RNF6: variants seen among roughly 807,000 people sequenced by gnomAD.
The protein encoded by RNF6 is E3 ubiquitin-protein ligase RNF6.
A neutral mutation model predicts 50.1 loss-of-function variants in RNF6; 21 were observed. The observed-to-expected ratio is 0.42, with a 90% confidence interval of 0.30 to 0.60. RNF6 has a LOEUF of 0.60. Ranked by LOEUF, RNF6 falls within the 20% of genes least tolerant of loss-of-function variation. The pLI, the probability that RNF6 is intolerant of heterozygous loss-of-function variation, is 0.20. For missense variants in RNF6, 698 were observed against 838.2 expected (o/e 0.83, Z 2.07); for synonymous variants, 255 against 291.8 (o/e 0.87, Z 1.29).
chr13:26,186,640 C>A (rs573582981), intron 5 of RNF6, among the ~76,000 whole-genome samples: 16 of 152,388 alleles, frequency 1.0e-4, no homozygotes, highest in African/African-American at 3.6e-4. Flanking sequence ...CTTCTCAGCT[C>A]TCACAGGGCC....
chr13:26,174,379 G>A (rs1872850494), intron 5 of RNF6, among the ~76,000 whole-genome samples: 3 of 152,100 alleles, frequency 2.0e-5, no homozygotes, highest in Admixed American at 6.5e-5. Context: ...GGCTGGGCAC[G>A]GTGGCTCACA....
intron 5 of RNF6, chr13:26,154,025 T>A (rs776236113): frequency 1.3e-5 from 2 of 152,224 alleles, no homozygotes; most frequent in Non-Finnish European, 2.9e-5. Context: ...TACGAGTGTT[T>A]CCTTAAACTC....
At position 26,145,955 on chromosome 13, in the gene RNF6, C is replaced by T. The variant is rs1871216874; in HGVS notation, n.769-13504G>A. 2.6e-5 allele frequency among the ~76,000 whole-genome samples: 4 copies of T among 152,238 alleles called. No homozygotes were observed. The South Asian group carries it at 6.2e-4, about 24-fold the overall frequency. On this transcript the variant is annotated intron_variant and non_coding_transcript_variant, in intron 5 of 5. Coordinates refer to the RNF6 transcript ENST00000468480. Reference sequence around the variant, plus strand: ...TAACCACAGGATGGGTTTGGAGACCCACTGGGCCAACTGTGAGACAGACCT... The same window carrying T: ...TAACCACAGGATGGGTTTGGAGACCTACTGGGCCAACTGTGAGACAGACCT...
At chr13:26,179,319 A>C (rs1409671582) in intron 5 of RNF6, among the ~76,000 whole-genome samples, 1 of 152,224 alleles carries the variant, frequency 6.6e-6, no homozygotes, top group Non-Finnish European at 1.5e-5. Context: ...AGACAGCAAG[A>C]ATCAACAGAA....
chr13:26,194,319 A>G (rs9581584), intron 5 of RNF6, among the ~76,000 whole-genome samples: 8,926 of 152,270 alleles, frequency 0.059, 836 homozygotes, highest in African/African-American at 0.2. Context: ...ATTAACAAAT[A>G]CAAGGATAAT....
chr13:26,184,818 C>CA (rs1428613836), intron 5 of RNF6, among the ~76,000 whole-genome samples: 1 of 152,128 alleles, frequency 6.6e-6, no homozygotes, highest in Non-Finnish European at 1.5e-5. Flanking sequence ...GTGCAGGCCA[C>CA]AAAGGATAAA....
intron 5 of RNF6, among the ~76,000 whole-genome samples, chr13:26,137,188 T>A (rs1870689260): frequency 6.6e-6 from 1 of 152,152 alleles, no homozygotes; most frequent in Non-Finnish European, 1.5e-5. Context: ...GCTCAAAGCC[T>A]CTTCCTGATG....
At chr13:26,149,143 T>C (rs972421255) in intron 5 of RNF6, 9 of 152,302 alleles carry the variant, frequency 5.9e-5, no homozygotes, top group Admixed American at 5.9e-4. Flanking sequence ...CAAGTTGACA[T>C]GCAAAATTAA....
intron 5 of RNF6, among the ~76,000 whole-genome samples, chr13:26,191,585 A>G (rs1227235401): frequency 2.0e-5 from 3 of 152,090 alleles, no homozygotes; most frequent in Non-Finnish European, 2.9e-5. Flanking sequence ...ACAAGATCTG[A>G]TGGTTTAAAA....
chr13:26,154,292 A>G (rs1230633148), intron 5 of RNF6: 1 of 152,248 alleles, frequency 6.6e-6, no homozygotes, highest in Non-Finnish European at 1.5e-5. Flanking sequence ...ACATAGTTAT[A>G]AAACACTGGT....
chr13:26,198,050 TATAC>T (rs149442560), intron 5 of RNF6, among the ~76,000 whole-genome samples: 3,793 of 151,084 alleles, frequency 0.025, 65 homozygotes, highest in Middle Eastern at 0.072. Flanking sequence ...GATGTGTATA[TATAC>T]ATACATACAT....
At chr13:26,186,674 C>T (rs765468727) in intron 5 of RNF6, among the ~76,000 whole-genome samples, 2 of 152,250 alleles carry the variant, frequency 1.3e-5, no homozygotes, top group African/African-American at 4.8e-5. Context: ...TACCTTCGGC[C>T]ACAGGTAGCG....
At chr13:26,169,432 G>C (rs1027896578) in intron 5 of RNF6, among the ~76,000 whole-genome samples, 1 of 152,166 alleles carries the variant, frequency 6.6e-6, no homozygotes, top group South Asian at 2.1e-4. Context: ...CCTGACCAAG[G>C]CAGCCATTAA....
intron 5 of RNF6, among the ~76,000 whole-genome samples, chr13:26,168,388 A>G (rs1377611060): frequency 2.6e-5 from 4 of 152,164 alleles, no homozygotes; most frequent in Non-Finnish European, 4.4e-5. Context: ...GTGCACATGA[A>G]AATTTAAAGT....
chr13:26,185,104 C>T (rs1343719420), intron 5 of RNF6, among the ~76,000 whole-genome samples: 3 of 152,162 alleles, frequency 2.0e-5, no homozygotes, highest in Non-Finnish European at 4.4e-5. Flanking sequence ...TCAAGCCATT[C>T]TCCCACCTCA....
intron 5 of RNF6, among the ~76,000 whole-genome samples, chr13:26,167,165 T>C (rs1357906999): frequency 2.0e-5 from 3 of 152,150 alleles, no homozygotes; most frequent in African/African-American, 7.2e-5. Flanking sequence ...ATGATGAAGA[T>C]GCCAAAAGCA....
intron 2 of RNF6, among the ~76,000 whole-genome samples, chr13:26,220,299 T>C (rs924624912): frequency 1.3e-5 from 2 of 152,176 alleles, no homozygotes; most frequent in Non-Finnish European, 2.9e-5. Context: ...GGCTCAAGGA[T>C]TGTGAAAGTG....
intron 5 of RNF6, among the ~76,000 whole-genome samples, chr13:26,133,470 G>A (rs190081430): frequency 9.2e-5 from 14 of 152,258 alleles, no homozygotes; most frequent in Admixed American, 8.5e-4. Flanking sequence ...TTAGCTGTTT[G>A]GTTATGTTCC....
chr13:26,186,674 C>G (rs765468727), intron 5 of RNF6, among the ~76,000 whole-genome samples: 100 of 152,368 alleles, frequency 6.6e-4, no homozygotes, highest in Non-Finnish European at 1.1e-3. Context: ...TACCTTCGGC[C>G]ACAGGTAGCG....
Sources: gnomAD v4.1 joint callset for allele counts (sites outside exome capture counted in the v4.1 genomes callset) on GRCh38, gnomAD v4.1.1 for gene constraint, MANE v1.5 for transcripts, NCBI Gene and HGNC (gene_info 2026-07-23, HGNC 2026-07-21) for gene names.